Variants in HDAC9 observed in about 807,000 individuals in gnomAD.
The protein encoded by HDAC9 is histone deacetylase 9.
In HDAC9, 41 loss-of-function variants were observed where a neutral mutation model predicts 139.4. The observed-to-expected ratio is 0.29, with a 90% CI of 0.23 to 0.38. The LOEUF is 0.38. Among genes scored for constraint, HDAC9 ranks in the 10% least tolerant of loss-of-function variants. The pLI is 1.00. For synonymous variants in HDAC9, 517 were observed against 476.2 expected (o/e 1.09, Z -1.12); for missense variants, 1,147 against 1,297.0 (o/e 0.88, Z 1.78).
At chr7:18,974,605 A>G (rs1399770906) in intron 24 of HDAC9, among the ~76,000 whole-genome samples, 1 of 152,244 alleles carries the variant, frequency 6.6e-6, no homozygotes, top group Non-Finnish European at 1.5e-5. Flanking sequence ...AAGGGATCAC[A>G]GCAAGTTAAA....
chr7:18,259,958 C>T (rs896394749), intron 2 of HDAC9, among the ~76,000 whole-genome samples: 2 of 152,140 alleles, frequency 1.3e-5, no homozygotes, highest in Admixed American at 1.3e-4. Context: ...ACAGTTTCCC[C>T]CATATCATAC....
chr7:18,368,559 G>A (rs192564512), intron 1 of HDAC9, among the ~76,000 whole-genome samples: 8 of 141,116 alleles, frequency 5.7e-5, no homozygotes, highest in Admixed American at 4.3e-4. Context: ...TATTTTCTGG[G>A]AAAAAAAACC....
chr7:18,606,568 C>T lies in HDAC9; in HGVS notation c.664+12539C>T, dbSNP rs181325515. Among the ~76,000 whole-genome samples the T allele has an allele frequency of 6.9e-3, 1,051 of 152,168 alleles. 16 individuals are homozygous for T. Among genetic ancestry groups the T allele is most frequent in the Middle Eastern group, 0.055 (16 of 292 alleles). ...CTTGGGAATTGTAAGGACTTTTTGT[C>T]GATTTTTGTCTTACTGTTTTCATAA... On this transcript the variant is annotated intron_variant, in intron 6 of 25. Transcript: ENST00000686413.
Position 18,594,313 on chromosome 7 carries a change from C to T in HDAC9, c.664+284C>T, listed in dbSNP as rs116957611. ...TAGGAATAAATAAAAATAAAAATTT[C>T]GTATCTCGGAAAATCTAACTCTTCT... On this transcript the variant is annotated intron_variant, in intron 6 of 25. Coordinates refer to ENST00000686413, the MANE Select transcript of HDAC9 (RefSeq NM_178425.4). Among the ~76,000 whole-genome samples, 95 of 152,130 alleles carry T rather than the reference C, an allele frequency of 6.2e-4. 1 individual carries two copies. The East Asian group carries it at 0.013, about 21-fold the overall frequency.
intron 1 of HDAC9, among the ~76,000 whole-genome samples, chr7:18,123,410 A>C (rs1784473657): frequency 6.6e-6 from 1 of 152,210 alleles, no homozygotes; most frequent in Non-Finnish European, 1.5e-5. Context: ...ATGAAATTTG[A>C]AACATTTTTC....
intron 17 of HDAC9, among the ~76,000 whole-genome samples, chr7:18,821,498 C>G (rs13244868): frequency 0.61 from 92,124 of 152,114 alleles, 28,339 homozygotes; most frequent in Middle Eastern, 0.67. Context: ...AGTGTGGCTG[C>G]GGTGGAGAAA....
chr7:18,529,474 C>G lies in HDAC9; in HGVS notation c.22+33150C>G, dbSNP rs1245009114. Reference sequence around the variant, plus strand: ...ACTTAGTTTGGTATTTACATGAATGCTTGTATAGATTTCCAAAGTAGATGC... The same window carrying G: ...ACTTAGTTTGGTATTTACATGAATGGTTGTATAGATTTCCAAAGTAGATGC... On this transcript the variant is annotated intron_variant, in intron 2 of 25. Transcript: ENST00000686413. Among the ~76,000 whole-genome samples the G allele has an allele frequency of 7.2e-5, 11 of 152,256 alleles. No individual in the cohort carries two copies. The East Asian group carries it at 2.1e-3, about 29-fold the overall frequency.
Position 18,954,240 on chromosome 7 carries a change from T to C in HDAC9, c.3022+10T>C. 1 of 1,417,264 alleles carries C rather than the reference T, an allele frequency of 7.1e-7. No homozygotes were observed. Among genetic ancestry groups the C allele is most frequent in the Middle Eastern group, 1.8e-4 (1 of 5,568 alleles). 87.8% of individuals were successfully genotyped at this position (1,417,264 alleles called of 1,614,324 possible). On this transcript the variant is annotated intron_variant, in intron 24 of 25. Coordinates refer to ENST00000686413, the MANE Select transcript of HDAC9 (RefSeq NM_178425.4). ...ATCATTGAAATTCAAAGTATGTCTT[T>C]AAAGTTCTCTTAAAAATTCTAAGCA...
rs1786637266 is a variant in HDAC9 at position 18,999,340 on chromosome 7, GGCAATTATAAA to G, written c.*3281_*3291del. The G allele has an allele frequency of 6.6e-6, 1 of 152,086 alleles. No individual in the cohort carries two copies. The highest frequency in any genetic ancestry group is 2.1e-4 in the South Asian group (1 of 4,826). 9.4% of individuals were successfully genotyped at this position (152,086 alleles called of 1,614,324 possible). On this transcript the variant is annotated 3_prime_UTR_variant, in exon 26 of 26. Coordinates refer to ENST00000686413, the MANE Select transcript of HDAC9 (RefSeq NM_178425.4). ...GTTTAGTCCTGCTTTATTTCCAAAG[GGCAATTATAAA>G]GCCTCGTGGATTTACTGGGTTTCTT...
chr7:18,501,789 A>G (rs1382464756), intron 2 of HDAC9, among the ~76,000 whole-genome samples: 1 of 152,174 alleles, frequency 6.6e-6, no homozygotes, highest in Admixed American at 6.6e-5. Flanking sequence ...TTCTATGAGA[A>G]GTGTTCATTA....
intron 13 of HDAC9, among the ~76,000 whole-genome samples, chr7:18,728,969 C>A (rs543665807): frequency 1.3e-5 from 2 of 152,282 alleles, no homozygotes; most frequent in South Asian, 4.1e-4. Context: ...GACTCTTCTA[C>A]TTCCAGGAGC....
intron 16 of HDAC9, among the ~76,000 whole-genome samples, chr7:18,785,249 T>C (rs1201777472): frequency 2.0e-5 from 3 of 152,092 alleles, no homozygotes; most frequent in African/African-American, 4.8e-5. Flanking sequence ...TATAACAGCA[T>C]TGATTCTGTT....
At chr7:18,743,516 A>G (rs901888475) in intron 13 of HDAC9, among the ~76,000 whole-genome samples, 1 of 151,972 alleles carries the variant, frequency 6.6e-6, no homozygotes, top group South Asian at 2.1e-4. Flanking sequence ...ACTGTTTGGT[A>G]CTTTGAGTTC....
chr7:18,921,572 G>C (rs1305792700), intron 22 of HDAC9, among the ~76,000 whole-genome samples: 1 of 152,120 alleles, frequency 6.6e-6, no homozygotes, highest in African/African-American at 2.4e-5. Context: ...AAAAAGTCAG[G>C]AAACAACAGG....
chr7:18,142,592 T>G (rs1415272200), intron 1 of HDAC9, among the ~76,000 whole-genome samples: 1 of 152,238 alleles, frequency 6.6e-6, no homozygotes, highest in Non-Finnish European at 1.5e-5. Flanking sequence ...GTTAATTCCC[T>G]AGTTGTTTCT....
intron 1 of HDAC9, among the ~76,000 whole-genome samples, chr7:18,149,228 T>G (rs1481810253): frequency 6.6e-6 from 1 of 152,082 alleles, no homozygotes; most frequent in Non-Finnish European, 1.5e-5. Context: ...CTTTTCTTAT[T>G]TCTAAATTGT....
Position 18,824,044 on chromosome 7 carries a change from GGAA to G in HDAC9, c.2323-5074_2323-5072del, listed in dbSNP as rs1554367872. Among the ~76,000 whole-genome samples, 609 of 67,188 alleles carry G rather than the reference GGAA, an allele frequency of 9.1e-3. 5 individuals are homozygous for G. Among genetic ancestry groups the G allele is most frequent in the East Asian group, 0.04 (84 of 2,104 alleles). 44.1% of individuals were successfully genotyped at this position (67,188 alleles called of 152,430 possible). A position where few individuals can be genotyped will look rare whatever the true frequency, so the allele number is the denominator to read the frequency against. ...AAGAAGAGGAAGAGGAAGAGGAAGA[GGAA>G]GAAGAAGAAGAAGAAGAAGAAGAAG... is the stretch of plus-strand genomic sequence containing the variant. On this transcript the variant is annotated intron_variant, in intron 17 of 25. Coordinates refer to ENST00000686413, the MANE Select transcript of HDAC9 (RefSeq NM_178425.4).
chr7:18,773,835 G>T (rs1025241592), intron 16 of HDAC9, among the ~76,000 whole-genome samples: 1 of 152,068 alleles, frequency 6.6e-6, no homozygotes, highest in South Asian at 2.1e-4. Flanking sequence ...TTTCCACTCC[G>T]AATAGTTAGT....
At chr7:18,875,567 T>G (rs1304030729) in intron 22 of HDAC9, among the ~76,000 whole-genome samples, 5 of 152,182 alleles carry the variant, frequency 3.3e-5, no homozygotes, top group African/African-American at 1.2e-4. Context: ...GTAACATTGT[T>G]AGGTAGTAAC....
Sources: allele counts gnomAD v4.1 joint callset (sites outside exome capture counted in the v4.1 genomes callset), GRCh38; gene constraint gnomAD v4.1.1; transcripts MANE v1.5; gene names NCBI Gene and HGNC (gene_info 2026-07-23, HGNC 2026-07-21).